WDR90: variants seen among roughly 807,000 people sequenced by gnomAD.
WDR90 encodes WD repeat-containing protein 90.
In WDR90, 238 loss-of-function variants were observed where a neutral mutation model predicts 195.2. That is an observed-to-expected ratio of 1.22 (90% CI 1.10 to 1.36). The LOEUF (loss-of-function observed/expected upper bound fraction) is 1.36. Ranked by LOEUF, WDR90 falls within the 40% of genes most tolerant of loss-of-function variation. The probability of loss-of-function intolerance (pLI) is 0.00; values close to 1 mark genes in which losing one functional copy is unlikely to be tolerated. For synonymous variants in WDR90, 1,265 were observed against 1,052.4 expected, an observed-to-expected ratio of 1.20 and a Z score of -3.91; for missense variants, 2,734 against 2,439.5, an observed-to-expected ratio of 1.12 and a Z score of -2.54.
At chr16:658,807 T>C in intron 23 of WDR90, 89 bp from the exon 24 acceptor site, 2 of 1,563,120 alleles carry the variant, frequency 1.3e-6, no homozygotes, top group African/African-American at 2.7e-5. Flanking sequence ...GGCCTCACAC[T>C]GTGTGGGGCT....
Position 651,651 on chromosome 16 carries a change from G to A in WDR90, c.744G>A (p.Leu248=), listed in dbSNP as rs1234600981. The change falls in exon 8 of 41, where the codon CTG becomes CTA. Residue 248 remains leucine (L), a synonymous_variant. Transcript: ENST00000293879. ...TTCTTTGCTCTGTTCTAGTCCTCCTGGGGCCGGGGCCACAGCCTCTCCCTT... is the reference window on the plus strand; with the variant it reads ...TTCTTTGCTCTGTTCTAGTCCTCCTAGGGCCGGGGCCACAGCCTCTCCCTT... The part of the protein sequence containing the change: ...KSCSPPEAVL[L]GPGPQPLPCP... 8 of 1,612,404 alleles carry A rather than the reference G, an allele frequency of 5.0e-6. No individual in the cohort carries two copies. The highest frequency in any genetic ancestry group is 1.3e-5 in the African/African-American group (1 of 74,900).
Position 651,949 on chromosome 16 carries a change from G to C in WDR90, c.963G>C (p.Glu321Asp). 1 of 1,608,680 alleles carries C rather than the reference G, an allele frequency of 6.2e-7. No homozygotes were observed. Among genetic ancestry groups the C allele is most frequent in the Non-Finnish European group, 8.5e-7 (1 of 1,178,508 alleles). ...FHSLEPWAQL[E>D]ASDIHTAAAG... ...GCCTTGAGCCCTGGGCCCAGCTGGA[G>C]GCCTCTGACATCCACACGGCTGCTG... The change falls in exon 9 of 41, where the codon GAG becomes GAC. Residue 321 changes from glutamate (E) to aspartate (D), a missense_variant. By Grantham distance (45) the Glu-to-Asp change is conservative. Coordinates refer to ENST00000293879, the MANE Select transcript of WDR90 (RefSeq NM_145294.5).
At chr16:652,132 C>T (rs2037660118) in intron 9 of WDR90, 93 bp downstream of exon 9, 3 of 1,363,406 alleles carry the variant, frequency 2.2e-6, no homozygotes, top group Middle Eastern at 2.2e-4. Context: ...ACGGATGTGC[C>T]TCCAACGGTC....
intron 34 of WDR90, chr16:663,090 C>G (rs1305013349): frequency 4.6e-6 from 3 of 657,894 alleles, no homozygotes; most frequent in African/African-American, 3.6e-5. Context: ...CCTTTCCCTG[C>G]TATTGCTTTG....
rs781583324 is a variant in WDR90, at chr16:649,422, C to T, written c.6C>T (p.Ala2=). The T allele has an allele frequency of 2.7e-5, 35 of 1,306,392 alleles. 1 individual carries two copies. In the African/African-American group the frequency reaches 5.1e-4, roughly 19 times the overall value. The allele number at this position is 1,306,392 out of a possible 1,614,324, so 80.9% of individuals were successfully genotyped here. ...GAAGCTCGAGCGGCGGCGCCATGGC[C>T]CGAGGTAGCGCGCGGCTGGCGGGGG... The part of the protein sequence containing the change: M[A]RAWQHPFLNV... The change falls in exon 1 of 41, where the codon GCC becomes GCT. Residue 2 remains alanine (A), a synonymous_variant. Transcript: ENST00000293879.
At chr16:652,224 G>A (rs2037662072) in intron 9 of WDR90, 185 bp downstream of exon 9, 4 of 849,790 alleles carry the variant, frequency 4.7e-6, no homozygotes, top group Non-Finnish European at 5.4e-6. Context: ...AAAGAGTAAG[G>A]CAGGGCTTCT....
Position 661,430 on chromosome 16 carries a change from T to C in WDR90, c.3602T>C (p.Leu1201Pro). 6.2e-7 allele frequency: 1 copy of C among 1,612,414 alleles called. No homozygotes were observed. Among genetic ancestry groups the C allele is most frequent in the South Asian group, 1.1e-5 (1 of 91,040 alleles). Residue 1201 changes from leucine to proline, a missense_variant, in exon 30 of 41, where the codon CTC becomes CCC. Leu to Pro is a moderately conservative substitution (Grantham distance 98, BLOSUM62 -3). Coordinates refer to ENST00000293879, the MANE Select transcript of WDR90 (RefSeq NM_145294.5). Reference sequence around the variant, plus strand: ...GTGTCTGGCGGCCTCTGCCAGCATCTCATTTTCCCCCATAGCACCACCGTG... The same window carrying C: ...GTGTCTGGCGGCCTCTGCCAGCATCCCATTTTCCCCCATAGCACCACCGTG... Reference protein sequence around the residue: ...WDVSGGLCQHLIFPHSTTVLA... With the variant: ...WDVSGGLCQHPIFPHSTTVLA...
chr16:656,562 G>A, intron 18 of WDR90, 25 bp downstream of exon 18: 1 of 1,562,438 alleles, frequency 6.4e-7, no homozygotes, highest in Non-Finnish European at 8.7e-7. Flanking sequence ...GGGCAGCACG[G>A]CAGGGAGGGC....
chr16:657,773 T>C lies in WDR90; in HGVS notation c.2485T>C (p.Cys829Arg), dbSNP rs772033732. 2 of 1,548,774 alleles carry C rather than the reference T, an allele frequency of 1.3e-6. No individual in the cohort carries two copies. Among genetic ancestry groups the C allele is most frequent in the South Asian group, 1.2e-5 (1 of 84,064 alleles). The change falls in exon 21 of 41, where the codon TGC (cysteine) becomes CGC (arginine). Residue 829 changes from cysteine (C) to arginine (R), a missense_variant. Cys to Arg is a radical substitution (Grantham distance 180). Transcript: ENST00000293879. Reference sequence around the variant, plus strand: ...CCGTGTGGCCACAGCGGACATGGTATGCCCGGATGCCCCCGCGAGCCCCAG... The same window carrying C: ...CCGTGTGGCCACAGCGGACATGGTACGCCCGGATGCCCCCGCGAGCCCCAG... ...HVLRVAADMV[C>R]PDAPASPSAL...
chr16:649,600 T>G, intron 1 of WDR90, 163 bp from the exon 2 acceptor site: 1 of 1,140,062 alleles, frequency 8.8e-7, no homozygotes. Context: ...TTGGCTTCCC[T>G]CGGGCGCCCG....
At chr16:664,321 A>G (rs764268949) in intron 34 of WDR90, among the ~76,000 whole-genome samples, 3 of 152,168 alleles carry the variant, frequency 2.0e-5, no homozygotes, top group Non-Finnish European at 4.4e-5. Flanking sequence ...GAACTGGCTC[A>G]CCTGGCTTCT....
rs745353016 is a variant in WDR90 at position 661,545 on chromosome 16, C to T, written c.3673+44C>T. The T allele has an allele frequency of 2.0e-5, 31 of 1,573,370 alleles. 2 individuals are homozygous for T. The highest frequency in any genetic ancestry group is 2.0e-4 in the South Asian group (17 of 86,496). On this transcript the variant is annotated intron_variant, in intron 30 of 40. Coordinates refer to ENST00000293879, the MANE Select transcript of WDR90 (RefSeq NM_145294.5). ...GGAGGCCAGGGGCTTCCCTAGACCC[C>T]GGGGGGGGCTGCATCTGTGCACCTG...
intron 34 of WDR90, chr16:663,065 G>A (rs1459339097): frequency 5.5e-6 from 4 of 720,784 alleles, no homozygotes; most frequent in East Asian, 5.4e-5. Context: ...GGCCTTGCAG[G>A]TCTTCTCAAA....
At chr16:652,583 G>A (rs372077677) in intron 10 of WDR90, 48 bp downstream of exon 10, 268 of 1,558,660 alleles carry the variant, frequency 1.7e-4, no homozygotes, top group Non-Finnish European at 2.2e-4. Context: ...TGGCCGGCTC[G>A]AGCGCTGAGT....
At chr16:653,934 G>C in intron 13 of WDR90, 131 bp downstream of exon 13, 1 of 1,182,588 alleles carries the variant, frequency 8.5e-7, no homozygotes, top group Non-Finnish European at 1.2e-6. Context: ...CCCTGTGGTG[G>C]GGCTCCCTGC....
chr16:657,101 G>T lies in WDR90; in HGVS notation c.2353G>T (p.Gly785Ter). ...EVLVEHTCHR[G>*]AVTGLTATPD... is the part of the protein sequence containing the mutation. ...CTGTGTGTGCTGCAGGTGCCACCGA[G>T]GAGCTGTCACCGGCCTGACCGCCAC... The change falls in exon 20 of 41, where the codon GGA becomes TGA. Residue 785 changes from glycine (G) to a stop codon, truncating the protein, a stop_gained. Coordinates refer to ENST00000293879, the MANE Select transcript of WDR90 (RefSeq NM_145294.5). LOFTEE classifies it high-confidence loss of function. 1 of 1,596,430 alleles carries T rather than the reference G, an allele frequency of 6.3e-7. No homozygotes were observed. Among genetic ancestry groups the T allele is most frequent in the Non-Finnish European group, 8.5e-7 (1 of 1,174,496 alleles).
Position 661,614 on chromosome 16 carries a change from A to G in WDR90, c.3691A>G (p.Thr1231Ala), listed in dbSNP as rs1373247262. The change falls in exon 31 of 41, where the codon ACC becomes GCC. Residue 1231 changes from threonine (T) to alanine (A), a missense_variant. Thr to Ala is a moderately conservative substitution (Grantham distance 58). Transcript: ENST00000293879. ...LVTLGDHDGR[T>A]LALWGTATYD... ...CTTCCCAGGGGACCACGATGGCCGC[A>G]CCCTCGCCCTGTGGGGCACGGCCAC... The G allele has an allele frequency of 6.3e-7, 1 of 1,592,378 alleles. No individual in the cohort carries two copies. The highest frequency in any genetic ancestry group is 1.1e-5 in the South Asian group (1 of 88,990).
Position 650,992 on chromosome 16 carries a change from T to C in WDR90, c.560-3T>C, listed in dbSNP as rs2037634422. 3.1e-6 allele frequency: 5 copies of C among 1,613,002 alleles called. No homozygotes were observed. The highest frequency in any genetic ancestry group is 1.3e-5 in the African/African-American group (1 of 75,042). On this transcript the variant is annotated splice_polypyrimidine_tract_variant and splice_region_variant and intron_variant, in intron 5 of 40. Transcript: ENST00000293879. ...TGACCTGGAACAACCCTGCTCCTTG[T>C]AGCCATCTCTGGGGCCCAGTGGGCA...
chr16:667,001 T>C lies in WDR90; in HGVS notation c.5089+12T>C. ...TGTTGGCTTTGCTGGTGAGTGCTGG[T>C]GGATGCAGTTTGGGCCTGTCTTAGG... On this transcript the variant is annotated intron_variant, in intron 40 of 40. Coordinates refer to ENST00000293879, the MANE Select transcript of WDR90 (RefSeq NM_145294.5). 6.3e-7 allele frequency: 1 copy of C among 1,583,208 alleles called. No individual in the cohort carries two copies.
Sources: allele counts gnomAD v4.1 joint callset (sites outside exome capture counted in the v4.1 genomes callset), GRCh38; gene constraint gnomAD v4.1.1; transcripts MANE v1.5; gene names NCBI Gene and HGNC (gene_info 2026-07-23, HGNC 2026-07-21).